The following WRN variants were observed in gnomAD, a reference collection of about 807,000 sequenced individuals.
WRN encodes bifunctional 3'-5' exonuclease/ATP-dependent helicase WRN.
Under a neutral mutation model 180.7 loss-of-function variants are expected in WRN, and 149 were observed. The observed-to-expected ratio is 0.82, with a 90% CI of 0.72 to 0.94. The LOEUF is 0.94. Ranked by LOEUF, WRN falls within the 40% of genes least tolerant of loss-of-function variation. The pLI is 0.00. For missense variants in WRN, 1,661 were observed against 1,700.1 expected (o/e 0.98, Z 0.40); for synonymous variants, 548 against 568.9 (o/e 0.96, Z 0.52).
At chr8:31,092,415 C>G (rs748868135) in intron 16 of WRN, among the ~76,000 whole-genome samples, 2 of 148,718 alleles carry the variant, frequency 1.3e-5, no homozygotes, top group African/African-American at 4.9e-5. Context: ...AATGTCATCT[C>G]AGATACACAT....
chr8:31,090,875 G>A lies in WRN; in HGVS notation c.1762G>A (p.Val588Ile), dbSNP rs587778747. The change falls in exon 15 of 35, where the codon GTA becomes ATA. Residue 588 changes from valine to isoleucine, a missense_variant. Physicochemically the swap from Val to Ile is conservative, Grantham distance 29 (BLOSUM62 3). Transcript: ENST00000298139. ...SLCFQYPPVY[V>I]GKIGLVISPL... is the part of the protein sequence containing the mutation. ...GTGCTTCCAGTATCCACCTGTTTAT[G>A]TAGGCAAGATTGGCCTTGTTATCTC... The A allele has an allele frequency of 2.4e-5, 39 of 1,612,584 alleles. No individual in the cohort carries two copies. The highest frequency in any genetic ancestry group is 3.1e-5 in the Non-Finnish European group (37 of 1,179,146).
chr8:31,038,693 A>G (rs930830905), intron 1 of WRN, among the ~76,000 whole-genome samples: 3 of 151,940 alleles, frequency 2.0e-5, no homozygotes, highest in African/African-American at 2.4e-5. Flanking sequence ...TACTTTTTCT[A>G]TTGGAGTTTT....
chr8:31,125,547 T>G (rs1313909153), intron 23 of WRN, among the ~76,000 whole-genome samples: 3 of 117,640 alleles, frequency 2.6e-5, no homozygotes, highest in African/African-American at 1.0e-4. Context: ...GATATATATA[T>G]ATATATATAT....
chr8:31,079,201 G>A (rs894013895), intron 8 of WRN, among the ~76,000 whole-genome samples: 6 of 152,130 alleles, frequency 3.9e-5, no homozygotes, highest in Non-Finnish European at 8.8e-5. Flanking sequence ...GTCTACGTAA[G>A]CTTGAGCCCA....
rs11574197 is a variant in WRN at position 31,064,199 on chromosome 8, G to A, written c.210-90G>A. Reference sequence around the variant, plus strand: ...CTCCAGATAACTTGAACAGTCTGTGGTTGCCTTTTAATTTTTGAATTATGT... The same window carrying A: ...CTCCAGATAACTTGAACAGTCTGTGATTGCCTTTTAATTTTTGAATTATGT... On this transcript the variant is annotated intron_variant, in intron 3 of 34. Transcript: ENST00000298139. The A allele has an allele frequency of 4.8e-4, 706 of 1,464,706 alleles. 3 individuals carry two copies. In the African/African-American group the frequency reaches 8.5e-3, roughly 18 times the overall value. The allele number at this position is 1,464,706 out of a possible 1,614,324, so 90.7% of individuals were successfully genotyped here. A position where few individuals can be genotyped will look rare whatever the true frequency, so the allele number is the denominator to read the frequency against.
Position 31,173,195 on chromosome 8 carries a change from T to A in WRN, c.*93T>A. On this transcript the variant is annotated 3_prime_UTR_variant, in exon 35 of 35. Coordinates refer to ENST00000298139, the MANE Select transcript of WRN (RefSeq NM_000553.6). ...AAGAGTAAGGAGTAGTATTTTGGCT[T>A]AAAAATCATTCTAATTACAAAGTTC... The A allele has an allele frequency of 8.3e-7, 1 of 1,209,500 alleles. No individual in the cohort carries two copies. The highest frequency in any genetic ancestry group is 1.2e-6 in the Non-Finnish European group (1 of 833,994). 74.9% of individuals were successfully genotyped at this position (1,209,500 alleles called of 1,614,324 possible). A position where few individuals can be genotyped will look rare whatever the true frequency, so the allele number is the denominator to read the frequency against.
chr8:31,125,030 C>G lies in WRN; in HGVS notation c.2825+30C>G, dbSNP rs1487569807. ...AGATTTCTTATTATAGATGGACATT[C>G]TAAAAGTCTTTCTTTCTCTTCCTTT... On this transcript the variant is annotated intron_variant, in intron 23 of 34. Transcript: ENST00000298139. The G allele has an allele frequency of 3.2e-6, 5 of 1,580,946 alleles. No individual in the cohort carries two copies. The African/African-American group carries it at 5.4e-5, about 17-fold the overall frequency.
At chr8:31,101,539 C>A (rs1175040988) in intron 18 of WRN, among the ~76,000 whole-genome samples, 1 of 152,098 alleles carries the variant, frequency 6.6e-6, no homozygotes, top group African/African-American at 2.4e-5. Flanking sequence ...GTAGTCCCAG[C>A]ACTTTGGGAG....
rs587778749 is a variant in WRN at position 31,059,201 on chromosome 8, T to A, written c.145T>A (p.Phe49Ile). 2 of 1,613,934 alleles carry A rather than the reference T, an allele frequency of 1.2e-6. No individual in the cohort carries two copies. Among genetic ancestry groups the A allele is most frequent in the South Asian group, 2.2e-5 (2 of 91,086 alleles). The change falls in exon 3 of 35, where the codon TTC becomes ATC. Residue 49 changes from phenylalanine to isoleucine, a missense_variant. Around this residue, in one of 3 missense-constraint regions of WRN, gnomAD observed 500 missense variants for 504.1 expected, o/e 0.99. Transcript: ENST00000298139. ...VFEDDLPFLE[F>I]TGSIVYSYDA... ...TGAAGATGACCTCCCCTTCTTAGAA[T>A]TCACTGGATCCATTGTGTATAGTTA... is the stretch of plus-strand genomic sequence containing the variant.
Position 31,081,173 on chromosome 8 carries a change from A to G in WRN, c.1146A>G (p.Lys382=), listed in dbSNP as rs1167536537. Residue 382 remains lysine, a synonymous_variant, in exon 9 of 35, where the codon AAA becomes AAG. Coordinates refer to ENST00000298139, the MANE Select transcript of WRN (RefSeq NM_000553.6). ...DGFEDGVEDN[K]LKENMERACL... is the part of the protein sequence containing the mutation. Reference sequence around the variant, plus strand: ...TTGAAGATGGAGTAGAAGACAACAAATTGAAAGAGAATATGGAAAGAGCTT... The same window carrying G: ...TTGAAGATGGAGTAGAAGACAACAAGTTGAAAGAGAATATGGAAAGAGCTT... The G allele has an allele frequency of 1.9e-5, 30 of 1,613,974 alleles. No individual in the cohort carries two copies. The Admixed American group carries it at 3.8e-4, about 21-fold the overall frequency.
intron 1 of WRN, among the ~76,000 whole-genome samples, chr8:31,048,865 G>A (rs756339385): frequency 2.0e-5 from 3 of 152,148 alleles, no homozygotes; most frequent in Non-Finnish European, 2.9e-5. Flanking sequence ...TATTAATCCA[G>A]TCTTGTAACT....
intron 13 of WRN, among the ~76,000 whole-genome samples, 189 bp from the exon 14 acceptor site, chr8:31,090,275 GT>G (rs1419682735): frequency 6.6e-6 from 1 of 151,168 alleles, no homozygotes; most frequent in Non-Finnish European, 1.5e-5. Context: ...CCAAATGGTA[GT>G]TGTTAGTTAG....
chr8:31,050,319 A>G (rs1029680636), intron 1 of WRN, among the ~76,000 whole-genome samples: 1 of 152,166 alleles, frequency 6.6e-6, no homozygotes, highest in African/African-American at 2.4e-5. Flanking sequence ...ATTCAGTTAC[A>G]CCTTTATGAG....
At chr8:31,101,736 G>A (rs1486353071) in intron 18 of WRN, among the ~76,000 whole-genome samples, 2 of 137,984 alleles carry the variant, frequency 1.4e-5, no homozygotes, top group African/African-American at 5.4e-5. Context: ...GCAGTGAGCC[G>A]AGATTGTGCC....
At chr8:31,154,547 A>T in intron 31 of WRN, 77 bp from the exon 32 acceptor site, 3 of 1,480,706 alleles carry the variant, frequency 2.0e-6, no homozygotes, top group Admixed American at 4.4e-5. Flanking sequence ...TTTTTTCTTA[A>T]TGGCTAATTA....
chr8:31,114,893 G>GAT (rs764937166), intron 19 of WRN, among the ~76,000 whole-genome samples: 23 of 136,174 alleles, frequency 1.7e-4, no homozygotes, highest in Non-Finnish European at 2.4e-4. Context: ...TTTAAAATAA[G>GAT]GTTTTTTTTT....
At chr8:31,084,573 T>G (rs1813451188) in intron 10 of WRN, among the ~76,000 whole-genome samples, 1 of 152,134 alleles carries the variant, frequency 6.6e-6, no homozygotes. Context: ...TTGTGGGGGA[T>G]CCCATCTTGT....
At chr8:31,117,564 C>G (rs1801569467) in intron 20 of WRN, among the ~76,000 whole-genome samples, 1 of 152,068 alleles carries the variant, frequency 6.6e-6, no homozygotes, top group Admixed American at 6.6e-5. Flanking sequence ...AAGTCAACAA[C>G]TTGACACTGT....
At chr8:31,159,198 T>C (rs939689398) in intron 33 of WRN, among the ~76,000 whole-genome samples, 1 of 150,946 alleles carries the variant, frequency 6.6e-6, no homozygotes, top group Admixed American at 6.6e-5. Context: ...TACTTGGGAG[T>C]CTGAGTCAGG....
Sources: allele counts gnomAD v4.1 joint callset (sites outside exome capture counted in the v4.1 genomes callset), GRCh38; gene constraint gnomAD v4.1.1; regional missense constraint gnomAD v4.1.1; transcripts MANE v1.5; gene names NCBI Gene and HGNC (gene_info 2026-07-23, HGNC 2026-07-21).